Variants in PLEKHA6 observed in about 807,000 individuals in gnomAD.
PLEKHA6 encodes the protein pleckstrin homology domain containing A6, also known as pleckstrin homology domain-containing family A member 6.
In PLEKHA6, 60 loss-of-function variants were observed where a neutral mutation model predicts 116.7. The ratio of observed to expected loss-of-function variants is 0.51; its 90% CI spans 0.42 to 0.64. The LOEUF (loss-of-function observed/expected upper bound fraction) is 0.64, where lower values mean the gene tolerates loss of function less well. Among genes scored for constraint, PLEKHA6 ranks in the 30% least tolerant of loss-of-function variants. The pLI, the probability that PLEKHA6 is intolerant of heterozygous loss-of-function variation, is 0.00. For missense variants in PLEKHA6, 1,338 were observed against 1,422.7 expected (o/e 0.94, Z 0.96); for synonymous variants, 489 against 556.1 (o/e 0.88, Z 1.70).
chr1:204,345,445 G>A (rs191290953), intron 1 of PLEKHA6, among the ~76,000 whole-genome samples: 44 of 152,034 alleles, frequency 2.9e-4, no homozygotes, highest in African/African-American at 6.5e-4. Flanking sequence ...CACTCCCTTC[G>A]AGGTTTCTTT....
At chr1:204,293,553 T>C (rs914787367) in intron 1 of PLEKHA6, among the ~76,000 whole-genome samples, 1 of 152,172 alleles carries the variant, frequency 6.6e-6, no homozygotes, top group African/African-American at 2.4e-5. Flanking sequence ...AATTTCCCTT[T>C]TGCCTCAGCC....
upstream of PLEKHA6, among the ~76,000 whole-genome samples, chr1:204,360,837 A>C (rs1301168215): frequency 1.3e-5 from 2 of 152,210 alleles, no homozygotes; most frequent in East Asian, 3.8e-4. Context: ...GGCAGAAGGA[A>C]GGACTTCAGA....
rs780187030 is a variant in PLEKHA6 at position 204,229,019 on chromosome 1, T to C, written c.2669A>G (p.Tyr890Cys). 1 of 1,614,066 alleles carries C rather than the reference T, an allele frequency of 6.2e-7. No individual in the cohort carries two copies. Among genetic ancestry groups the C allele is most frequent in the Non-Finnish European group, 8.5e-7 (1 of 1,180,028 alleles). The change falls in exon 19 of 23, where the codon TAC (tyrosine) becomes TGC (cysteine). Residue 890 changes from tyrosine to cysteine, a missense_variant. This residue lies in a region of PLEKHA6 where 1,136 missense variants were observed against 1,163.6 expected (regional missense o/e 0.98). Coordinates refer to ENST00000272203, the MANE Select transcript of PLEKHA6 (RefSeq NM_014935.5). ...GGCAATTTCCTCCCGGGGTGTCTCG[T>C]AGGCATGCCCGCCAGGCTCCTCTGC... The part of the protein sequence containing the change: ...LRAEEPGGHA[Y>C]ETPREEIARL...
chr1:204,288,776 C>T (rs896823808), intron 1 of PLEKHA6, among the ~76,000 whole-genome samples: 30 of 152,074 alleles, frequency 2.0e-4, no homozygotes, highest in African/African-American at 4.1e-4. Flanking sequence ...TGTCTCTCTG[C>T]GCCACTCAGA....
chr1:204,301,878 T>G (rs1670858087), intron 1 of PLEKHA6, among the ~76,000 whole-genome samples: 1 of 152,150 alleles, frequency 6.6e-6, no homozygotes, highest in Non-Finnish European at 1.5e-5. Flanking sequence ...AGGGACTTAC[T>G]GATGATTATT....
intron 1 of PLEKHA6, chr1:204,325,970 C>A (rs940698576): frequency 3.4e-6 from 3 of 890,326 alleles, no homozygotes; most frequent in Non-Finnish European, 2.7e-6. Context: ...GGGCAGAGTC[C>A]CTCTGCCCAC....
chr1:204,266,429 G>A (rs1263395540), intron 5 of PLEKHA6, among the ~76,000 whole-genome samples: 2 of 152,164 alleles, frequency 1.3e-5, no homozygotes, highest in African/African-American at 2.4e-5. Flanking sequence ...CTCCTGTGCA[G>A]AGACCCCCAA....
intron 10 of PLEKHA6, among the ~76,000 whole-genome samples, chr1:204,250,275 C>T (rs1230990154): frequency 6.6e-6 from 1 of 152,148 alleles, no homozygotes; most frequent in Non-Finnish European, 1.5e-5. Context: ...AACGGCCCAG[C>T]GCTCAGTGGA....
chr1:204,303,841 G>A (rs1671041855), intron 1 of PLEKHA6, among the ~76,000 whole-genome samples: 1 of 152,142 alleles, frequency 6.6e-6, no homozygotes, highest in African/African-American at 2.4e-5. Context: ...AGCCTCCTGA[G>A]TAGCTGGGAC....
rs531686226 is a variant in PLEKHA6 at position 204,228,519 on chromosome 1, G to A, written c.2885+209C>T. The stretch of plus-strand genomic sequence containing the variant: ...GAGCCTTCAGTTTTGTCTCGATGGT[G>A]TGGTGTGCACGAGCCTGGCAGGTCT... On this transcript the variant is annotated intron_variant, in intron 20 of 22. Coordinates refer to ENST00000272203, the MANE Select transcript of PLEKHA6 (RefSeq NM_014935.5). The surrounding 1 kb of genome is among the most constrained non-coding windows in gnomAD (Gnocchi z 4.0). 6.6e-6 allele frequency among the ~76,000 whole-genome samples: 1 copy of A among 152,310 alleles called. No homozygotes were observed. Among genetic ancestry groups the A allele is most frequent in the South Asian group, 2.1e-4 (1 of 4,820 alleles).
intron 1 of PLEKHA6, among the ~76,000 whole-genome samples, chr1:204,310,788 T>C (rs1451712808): frequency 6.6e-6 from 1 of 152,148 alleles, no homozygotes; most frequent in African/African-American, 2.4e-5. Context: ...AAGCTAGTTC[T>C]GAGACATGCA....
intron 1 of PLEKHA6, among the ~76,000 whole-genome samples, chr1:204,329,880 C>A (rs906065634): frequency 1.4e-5 from 2 of 143,270 alleles, no homozygotes; most frequent in African/African-American, 2.6e-5. Context: ...CAAAGTGAGA[C>A]CCTGTCTCAA....
intron 7 of PLEKHA6, among the ~76,000 whole-genome samples, chr1:204,260,550 A>C (rs987326890): frequency 1.3e-5 from 2 of 152,230 alleles, no homozygotes; most frequent in Non-Finnish European, 2.9e-5. Context: ...GTTGAAGCGA[A>C]GATGGAAATT....
chr1:204,352,478 T>C (rs1673311409), intron 1 of PLEKHA6, among the ~76,000 whole-genome samples: 1 of 152,224 alleles, frequency 6.6e-6, no homozygotes, highest in African/African-American at 2.4e-5. Context: ...GAGACTTCAG[T>C]CTCCTAACAG....
chr1:204,298,617 T>G (rs1266657490), intron 1 of PLEKHA6, among the ~76,000 whole-genome samples: 1 of 152,062 alleles, frequency 6.6e-6, no homozygotes, highest in Admixed American at 6.5e-5. Context: ...GTGTGTAAAC[T>G]CTCTAGGCCA....
intron 1 of PLEKHA6, chr1:204,275,540 G>T (rs1466141431): frequency 5.0e-6 from 1 of 198,022 alleles, no homozygotes; most frequent in Non-Finnish European, 9.1e-6. Flanking sequence ...CCAGGGGTTG[G>T]GGGGTGGGGG....
At position 204,267,503 on chromosome 1, in the gene PLEKHA6, C is replaced by A. The variant is rs1166517904; in HGVS notation, c.252G>T (p.Leu84=). 3 of 1,613,996 alleles carry A rather than the reference C, an allele frequency of 1.9e-6. No individual in the cohort carries two copies. The highest frequency in any genetic ancestry group is 2.5e-6 in the Non-Finnish European group (3 of 1,180,026). ...TATAGTAGAAGAGGCAGCGATCCAC[C>A]AGGACGAACCAGCGCTTGTTCCACT... ...VKQWNKRWFV[L]VDRCLFYYKD... The change falls in exon 5 of 23, where the codon CTG becomes CTT. Residue 84 remains leucine, a synonymous_variant. Transcript: ENST00000272203.
Position 204,265,053 on chromosome 1 carries a change from G to A in PLEKHA6, c.281-11C>T. 4 of 1,597,306 alleles carry A rather than the reference G, an allele frequency of 2.5e-6. No homozygotes were observed. The highest frequency in any genetic ancestry group is 1.4e-5 in the African/African-American group (1 of 73,636). ...TCTCTTCCTTCTCATCTGTCAGGGA[G>A]AGAGGCACAAGAAGGGTGTGTGTGT... On this transcript the variant is annotated splice_polypyrimidine_tract_variant and intron_variant, in intron 5 of 22. Coordinates refer to ENST00000272203, the MANE Select transcript of PLEKHA6 (RefSeq NM_014935.5).
chr1:204,290,524 G>T (rs1414975178), intron 1 of PLEKHA6, among the ~76,000 whole-genome samples: 1 of 152,052 alleles, frequency 6.6e-6, no homozygotes, highest in Non-Finnish European at 1.5e-5. Flanking sequence ...ACTCAAAACG[G>T]ACCATAGACA....
Sources: allele counts gnomAD v4.1 joint callset (sites outside exome capture counted in the v4.1 genomes callset), GRCh38; gene constraint gnomAD v4.1.1; regional missense constraint gnomAD v4.1.1; non-coding constraint Gnocchi (gnomAD v3.1); transcripts MANE v1.5; gene names NCBI Gene and HGNC (gene_info 2026-07-23, HGNC 2026-07-21).